Variants in ADAMTSL1 observed in about 807,000 individuals in gnomAD.
The protein encoded by ADAMTSL1 is ADAMTS like 1.
A neutral mutation model predicts 201.8 loss-of-function variants in ADAMTSL1; 126 were observed. The ratio of observed to expected loss-of-function variants is 0.62; its 90% CI spans 0.54 to 0.72. ADAMTSL1 has a LOEUF of 0.72. Ranked by LOEUF, ADAMTSL1 falls within the 30% of genes least tolerant of loss-of-function variation. The probability of loss-of-function intolerance (pLI) is 0.00; values close to 1 mark genes in which losing one functional copy is unlikely to be tolerated. For synonymous variants in ADAMTSL1, 1,121 were observed against 903.4 expected (o/e 1.24, Z -4.32); for missense variants, 2,679 against 2,277.8 (o/e 1.18, Z -3.59).
chr9:18,454,503 G>A (rs764720989), intron 2 of ADAMTSL1, among the ~76,000 whole-genome samples: 1 of 152,146 alleles, frequency 6.6e-6, no homozygotes, highest in South Asian at 2.1e-4. Context: ...ATCCAGTCAA[G>A]TCAACACCTA....
chr9:18,276,907 G>C (rs1832609190), intron 2 of ADAMTSL1, among the ~76,000 whole-genome samples: 1 of 151,894 alleles, frequency 6.6e-6, no homozygotes, highest in South Asian at 2.1e-4. Flanking sequence ...ATGAGATTTG[G>C]AAGGGATAAA....
intron 1 of ADAMTSL1, among the ~76,000 whole-genome samples, chr9:18,013,533 A>G (rs2131562507): frequency 6.6e-6 from 1 of 152,194 alleles, no homozygotes; most frequent in East Asian, 1.9e-4. Flanking sequence ...GCCAATTCAA[A>G]AACCAAACCA....
intron 2 of ADAMTSL1, among the ~76,000 whole-genome samples, chr9:18,383,507 C>G (rs1052344693): frequency 6.6e-6 from 1 of 151,946 alleles, no homozygotes; most frequent in African/African-American, 2.4e-5. Context: ...CCAGCTGACC[C>G]CCAGAATCAT....
chr9:17,927,939 A>G (rs1826619151), intron 1 of ADAMTSL1, among the ~76,000 whole-genome samples: 1 of 151,556 alleles, frequency 6.6e-6, no homozygotes, highest in South Asian at 2.1e-4. Flanking sequence ...GTTGCTATGA[A>G]ATTGATGTTC....
At chr9:18,840,371 C>T (rs976117269) in intron 23 of ADAMTSL1, among the ~76,000 whole-genome samples, 7 of 152,082 alleles carry the variant, frequency 4.6e-5, no homozygotes, top group Non-Finnish European at 8.8e-5. Flanking sequence ...TTTCTGAGGA[C>T]TCTGTTCTGT....
chr9:18,184,471 A>G lies in ADAMTSL1; in HGVS notation c.207+20490A>G, dbSNP rs117216785. The stretch of plus-strand genomic sequence containing the variant: ...CAAAATTTTCCATAGGCAGTTAAAT[A>G]CCTAAGAGGATATGATAAGAGGATA... On this transcript the variant is annotated intron_variant, in intron 2 of 29. Coordinates refer to the ADAMTSL1 transcript ENST00000680146. 2.1e-3 allele frequency among the ~76,000 whole-genome samples: 324 copies of G among 152,308 alleles called. 7 individuals are homozygous for G. In the East Asian group the frequency reaches 0.056, roughly 27 times the overall value.
At chr9:18,788,379 C>T (rs1821826297) in intron 19 of ADAMTSL1, among the ~76,000 whole-genome samples, 1 of 151,468 alleles carries the variant, frequency 6.6e-6, no homozygotes, top group African/African-American at 2.4e-5. Context: ...TTAATTACCC[C>T]CCCGCCCCGC....
chr9:18,720,890 A>T (rs115760945), intron 14 of ADAMTSL1, among the ~76,000 whole-genome samples: 261 of 152,318 alleles, frequency 1.7e-3, no homozygotes, highest in African/African-American at 6.2e-3. Context: ...CTGTTTCACT[A>T]GCTCTGAGTC....
At chr9:18,516,113 A>T (rs772052831) in intron 2 of ADAMTSL1, among the ~76,000 whole-genome samples, 1 of 151,732 alleles carries the variant, frequency 6.6e-6, no homozygotes, top group Non-Finnish European at 1.5e-5. Context: ...AAAGAAAAAG[A>T]AAGATTTCCT....
At chr9:18,350,495 G>A (rs1187503834) in intron 2 of ADAMTSL1, among the ~76,000 whole-genome samples, 1 of 149,958 alleles carries the variant, frequency 6.7e-6, no homozygotes, top group African/African-American at 2.4e-5. Context: ...ATTGAGAAGG[G>A]AAAGGAGCAA....
At chr9:18,119,938 C>G (rs1292711460) in intron 1 of ADAMTSL1, among the ~76,000 whole-genome samples, 1 of 152,094 alleles carries the variant, frequency 6.6e-6, no homozygotes, top group African/African-American at 2.4e-5. Context: ...AGGAACACAC[C>G]ACTTTTCTAT....
chr9:18,561,953 G>A (rs558334554), intron 3 of ADAMTSL1, among the ~76,000 whole-genome samples: 1 of 152,138 alleles, frequency 6.6e-6, no homozygotes, highest in Non-Finnish European at 1.5e-5. Context: ...ACAGCACACT[G>A]ATGGGTCTTG....
rs544021694 is a variant in ADAMTSL1, at chr9:18,088,778, T to C, written c.88-75084T>C. On this transcript the variant is annotated intron_variant, in intron 1 of 29. Transcript: ENST00000680146. ...TGGAGAAATTGAAACCTTAGTACAA[T>C]GTTGACAGGAATGTAAAATGGAGCA... 3.3e-5 allele frequency among the ~76,000 whole-genome samples: 5 copies of C among 152,284 alleles called. 1 individual carries two copies. The South Asian group carries it at 1.0e-3, about 32-fold the overall frequency.
chr9:18,056,564 A>T (rs1488679501), intron 1 of ADAMTSL1, among the ~76,000 whole-genome samples: 1 of 152,086 alleles, frequency 6.6e-6, no homozygotes, highest in Non-Finnish European at 1.5e-5. Flanking sequence ...TTTGTTGGCG[A>T]GGTATATTTC....
At chr9:18,417,693 A>T (rs890129143) in intron 2 of ADAMTSL1, among the ~76,000 whole-genome samples, 3 of 152,168 alleles carry the variant, frequency 2.0e-5, no homozygotes, top group Admixed American at 2.0e-4. Context: ...ATAGAATCTG[A>T]GTAGTCCTCT....
chr9:18,236,209 T>C (rs1386417727), intron 2 of ADAMTSL1, among the ~76,000 whole-genome samples: 2 of 152,164 alleles, frequency 1.3e-5, no homozygotes, highest in Admixed American at 6.5e-5. Context: ...TAGCTGGGAT[T>C]ACAGGCACCC....
At chr9:18,019,528 C>T (rs1004142506) in intron 1 of ADAMTSL1, among the ~76,000 whole-genome samples, 4 of 152,002 alleles carry the variant, frequency 2.6e-5, no homozygotes, top group East Asian at 1.9e-4. Flanking sequence ...GAAGGTATAC[C>T]TCACACATTC....
chr9:18,628,570 C>A (rs151218289), intron 5 of ADAMTSL1, among the ~76,000 whole-genome samples: 47 of 152,150 alleles, frequency 3.1e-4, no homozygotes, highest in African/African-American at 9.6e-4. Context: ...GGGTCTTTGT[C>A]TTTCCATATA....
At chr9:18,116,913 A>G (rs1289552434) in intron 1 of ADAMTSL1, among the ~76,000 whole-genome samples, 3 of 152,146 alleles carry the variant, frequency 2.0e-5, no homozygotes, top group Non-Finnish European at 4.4e-5. Context: ...TCTCACATTT[A>G]AGTATCTACA....
Sources: allele counts gnomAD v4.1 joint callset (sites outside exome capture counted in the v4.1 genomes callset), GRCh38; gene constraint gnomAD v4.1.1; transcripts MANE v1.5; gene names NCBI Gene and HGNC (gene_info 2026-07-23, HGNC 2026-07-21).